GLIS1: variants seen among roughly 807,000 people sequenced by gnomAD.
GLIS1 encodes GLIS family zinc finger 1.
Under a neutral mutation model 63.8 loss-of-function variants are expected in GLIS1, and 24 were observed. The ratio of observed to expected loss-of-function variants is 0.38; its 90% CI spans 0.27 to 0.53. The LOEUF (loss-of-function observed/expected upper bound fraction) is 0.53. Among genes scored for constraint, GLIS1 ranks in the 20% least tolerant of loss-of-function variants. GLIS1 has a pLI of 0.85. For missense variants in GLIS1, 1,036 were observed against 1,074.1 expected (o/e 0.96, Z 0.50); for synonymous variants, 450 against 482.5 (o/e 0.93, Z 0.88).
intron 2 of GLIS1, among the ~76,000 whole-genome samples, chr1:53,647,365 G>T (rs1449340934): frequency 6.6e-6 from 1 of 152,160 alleles, no homozygotes; most frequent in Non-Finnish European, 1.5e-5. Flanking sequence ...ATAGGCTAAT[G>T]GAACAGAACA....
At chr1:53,556,594 T>TA (rs1491321955) in intron 4 of GLIS1, among the ~76,000 whole-genome samples, 2 of 130,048 alleles carry the variant, frequency 1.5e-5, no homozygotes, top group Admixed American at 1.6e-4. Flanking sequence ...GTACTGTAGG[T>TA]TTGTGTGTGT....
chr1:53,682,144 T>C (rs1457867346), intron 2 of GLIS1, among the ~76,000 whole-genome samples: 1 of 152,206 alleles, frequency 6.6e-6, no homozygotes, highest in Non-Finnish European at 1.5e-5. Flanking sequence ...CCTGCACAGA[T>C]GCTTCCTGTT....
chr1:53,607,422 A>G (rs115697087), intron 2 of GLIS1, among the ~76,000 whole-genome samples: 1,865 of 152,298 alleles, frequency 0.012, 31 homozygotes, highest in African/African-American at 0.043. Context: ...GGTGCTTGCC[A>G]TCACACCCGG....
chr1:53,508,497 A>G (rs1318047513), intron 10 of GLIS1, among the ~76,000 whole-genome samples: 1 of 152,284 alleles, frequency 6.6e-6, no homozygotes, highest in African/African-American at 2.4e-5. Flanking sequence ...AGCTGGAGGA[A>G]TTCAGGGAGG....
At chr1:53,531,710 CAG>C (rs1324735328) in intron 4 of GLIS1, among the ~76,000 whole-genome samples, 2 of 152,230 alleles carry the variant, frequency 1.3e-5, no homozygotes, top group Non-Finnish European at 2.9e-5. Context: ...GAGGGAGACA[CAG>C]GGGCTGTGGC....
intron 2 of GLIS1, among the ~76,000 whole-genome samples, chr1:53,628,707 G>A (rs11206182): frequency 0.013 from 1,966 of 152,200 alleles, 39 homozygotes; most frequent in East Asian, 0.042. Flanking sequence ...TCACCTAGCA[G>A]GTCTAAGCTC....
intron 2 of GLIS1, among the ~76,000 whole-genome samples, chr1:53,655,363 G>A (rs1391553787): frequency 6.6e-6 from 1 of 152,160 alleles, no homozygotes; most frequent in East Asian, 1.9e-4. Context: ...TGGAGAAAAT[G>A]TATTCATTGA....
intron 2 of GLIS1, among the ~76,000 whole-genome samples, chr1:53,643,212 G>C (rs1220115384): frequency 6.6e-6 from 1 of 152,192 alleles, no homozygotes; most frequent in Non-Finnish European, 1.5e-5. Context: ...TATTATCCAG[G>C]CCATAAACCT....
intron 4 of GLIS1, among the ~76,000 whole-genome samples, chr1:53,554,157 T>C (rs1371404117): frequency 6.6e-6 from 1 of 152,154 alleles, no homozygotes; most frequent in East Asian, 1.9e-4. Context: ...GCCCCTTCTG[T>C]CACCTGGCCC....
At chr1:53,507,479 AG>A (rs901491734) in intron 10 of GLIS1, among the ~76,000 whole-genome samples, 64 of 152,216 alleles carry the variant, frequency 4.2e-4, no homozygotes, top group African/African-American at 1.5e-3. Flanking sequence ...TTGACTTGGG[AG>A]GGGCCGGGAG....
chr1:53,516,063 G>A (rs1367083650), intron 7 of GLIS1, among the ~76,000 whole-genome samples: 1 of 152,124 alleles, frequency 6.6e-6, no homozygotes. Flanking sequence ...TGTGACCTGG[G>A]GGCTAGCCCG....
intron 6 of GLIS1, among the ~76,000 whole-genome samples, chr1:53,523,383 C>T (rs776555921): frequency 3.9e-5 from 6 of 152,152 alleles, no homozygotes; most frequent in African/African-American, 1.4e-4. Flanking sequence ...AGCACCCCAT[C>T]GCTGTCTCCC....
rs1644621049 is a variant in GLIS1 at position 53,539,579 on chromosome 1, AACTGTGTTTAC to A, written c.1321-9638_1321-9628del. Among the ~76,000 whole-genome samples, 1 of 150,982 alleles carries A rather than the reference AACTGTGTTTAC, an allele frequency of 6.6e-6. No homozygotes were observed. The highest frequency in any genetic ancestry group is 1.5e-5 in the Non-Finnish European group (1 of 67,748). On this transcript the variant is annotated intron_variant, in intron 4 of 10. Coordinates refer to ENST00000628545, the MANE Select transcript of GLIS1 (RefSeq NM_001367484.1). This position sits in a 1 kb window ranked among gnomAD's most constrained non-coding sequence, Gnocchi z 5.0. ...ACACACACTACACATCATACACATAAACTGTGTTTACACCCCATGACTCATATCACAAAAAC... is the reference window on the plus strand; with the variant it reads ...ACACACACTACACATCATACACATAAACCCCATGACTCATATCACAAAAAC...
intron 4 of GLIS1, among the ~76,000 whole-genome samples, chr1:53,559,727 C>T (rs1433364811): frequency 6.6e-6 from 1 of 152,198 alleles, no homozygotes; most frequent in Non-Finnish European, 1.5e-5. Flanking sequence ...TGCAGCCAGC[C>T]ACCCGCCATG....
At chr1:53,706,327 G>A (rs1047269246) in intron 2 of GLIS1, among the ~76,000 whole-genome samples, 2 of 152,186 alleles carry the variant, frequency 1.3e-5, no homozygotes, top group Non-Finnish European at 2.9e-5. Context: ...GGTCTCTGTA[G>A]GAAAGCACTT....
At chr1:53,735,195 T>C (rs1426434476) in intron 2 of GLIS1, among the ~76,000 whole-genome samples, 1 of 152,176 alleles carries the variant, frequency 6.6e-6, no homozygotes, top group Non-Finnish European at 1.5e-5. Context: ...GCTTGGCACC[T>C]CTCAGCCTCC....
chr1:53,630,689 G>T (rs1475353179), intron 2 of GLIS1, among the ~76,000 whole-genome samples: 1 of 152,090 alleles, frequency 6.6e-6, no homozygotes, highest in Non-Finnish European at 1.5e-5. Context: ...TAGAGATGGG[G>T]TTTCACCATG....
chr1:53,689,946 G>A (rs1023780764), intron 2 of GLIS1, among the ~76,000 whole-genome samples: 12 of 152,170 alleles, frequency 7.9e-5, no homozygotes, highest in African/African-American at 2.9e-4. Flanking sequence ...CGTAGTGAGC[G>A]GAATGCCTTT....
chr1:53,601,517 C>T (rs116799480), intron 2 of GLIS1, among the ~76,000 whole-genome samples: 1,928 of 152,268 alleles, frequency 0.013, 40 homozygotes, highest in African/African-American at 0.044. Flanking sequence ...CATCAGCAAG[C>T]GCAGCATCTG....
Sources: gnomAD v4.1 joint callset for allele counts (sites outside exome capture counted in the v4.1 genomes callset) on GRCh38, gnomAD v4.1.1 for gene constraint, Gnocchi (gnomAD v3.1) non-coding constraint, MANE v1.5 for transcripts, NCBI Gene and HGNC (gene_info 2026-07-23, HGNC 2026-07-21) for gene names.